The following DCDC1 variants were observed in gnomAD, a reference collection of about 807,000 sequenced individuals.
DCDC1 encodes doublecortin domain containing 1.
In DCDC1, 200 loss-of-function variants were observed where a neutral mutation model predicts 178.3. That is an observed-to-expected ratio of 1.12 (90% CI 1.00 to 1.26). DCDC1 has a LOEUF of 1.26. Ranked by LOEUF, DCDC1 falls within the 50% of genes most tolerant of loss-of-function variation. The pLI, the probability that DCDC1 is intolerant of heterozygous loss-of-function variation, is 0.00. For missense variants in DCDC1, 1,983 were observed against 1,749.2 expected, an observed-to-expected ratio of 1.13 and a Z score of -2.38; for synonymous variants, 690 against 604.8, an observed-to-expected ratio of 1.14 and a Z score of -2.07.
intron 22 of DCDC1, among the ~76,000 whole-genome samples, chr11:30,927,839 A>G (rs1282463457): frequency 1.3e-5 from 2 of 152,158 alleles, no homozygotes; most frequent in Non-Finnish European, 2.9e-5. Flanking sequence ...CAATAAAACT[A>G]TTCCCTCATA....
In DCDC1 at chr11:31,070,802, T is replaced by C. The variant is rs115910449; in HGVS notation, c.2299-5649A>G. ...TCTCCATCACTCCCAAGGGGTTCCC[T>C]TCATGTCTGTTAGAAAGGCTATGTT... On this transcript the variant is annotated intron_variant, in intron 18 of 38. Coordinates refer to ENST00000684477, the MANE Select transcript of DCDC1 (RefSeq NM_001387274.1). Among the ~76,000 whole-genome samples the C allele has an allele frequency of 4.4e-3, 671 of 152,252 alleles. 4 individuals are homozygous for C. The highest frequency in any genetic ancestry group is 0.015 in the African/African-American group (635 of 41,540).
At chr11:30,892,566 C>T (rs1590249661) in intron 36 of DCDC1, among the ~76,000 whole-genome samples, 1 of 152,158 alleles carries the variant, frequency 6.6e-6, no homozygotes, top group African/African-American at 2.4e-5. Context: ...GTGGGTTGAA[C>T]TGGCACTGTT....
chr11:31,099,706 G>GT, intron 15 of DCDC1, among the ~76,000 whole-genome samples: 1 of 146,286 alleles, frequency 6.8e-6, no homozygotes, highest in South Asian at 2.2e-4. Flanking sequence ...GGGTTTTTTT[G>GT]TTTGTTTGTT....
At chr11:31,003,997 ATGC>A (rs1324811073) in intron 20 of DCDC1, among the ~76,000 whole-genome samples, 1 of 152,176 alleles carries the variant, frequency 6.6e-6, no homozygotes. Context: ...GTGGCTGGTG[ATGC>A]TGTTCACTGA....
intron 20 of DCDC1, among the ~76,000 whole-genome samples, chr11:30,994,496 T>C (rs1951144387): frequency 6.7e-6 from 1 of 150,216 alleles, no homozygotes; most frequent in South Asian, 2.1e-4. Flanking sequence ...TTCACCATGT[T>C]GCCCAGGCTG....
At chr11:30,955,114 C>A (rs1003940940) in intron 20 of DCDC1, among the ~76,000 whole-genome samples, 2 of 152,124 alleles carry the variant, frequency 1.3e-5, no homozygotes, top group South Asian at 4.1e-4. Context: ...TTTTGGAATA[C>A]GTGGTCTACC....
rs536400765 is a variant in DCDC1, at chr11:30,983,524, T to C, written c.2592-30956A>G. ...AGAATTATCTGGTTCACATTTGCGA[T>C]CCATTAAAATTACATAAATCATATT... is the stretch of plus-strand genomic sequence containing the variant. On this transcript the variant is annotated intron_variant, in intron 20 of 38. Transcript: ENST00000684477. Among the ~76,000 whole-genome samples, 7 of 152,322 alleles carry C rather than the reference T, an allele frequency of 4.6e-5. No individual in the cohort carries two copies. In the South Asian group the frequency reaches 1.4e-3, roughly 32 times the overall value.
intron 17 of DCDC1, among the ~76,000 whole-genome samples, chr11:31,090,237 T>A (rs1957734166): frequency 6.6e-6 from 1 of 152,182 alleles, no homozygotes; most frequent in African/African-American, 2.4e-5. Context: ...TTTTTTCAAG[T>A]GATGTACCCT....
intron 15 of DCDC1, among the ~76,000 whole-genome samples, chr11:31,098,923 A>G (rs1298438755): frequency 6.6e-6 from 1 of 152,226 alleles, no homozygotes; most frequent in East Asian, 1.9e-4. Context: ...AATTTTTAAA[A>G]ACTAAAAATG....
chr11:31,292,681 T>C (rs967302362), intron 6 of DCDC1, among the ~76,000 whole-genome samples: 1 of 152,116 alleles, frequency 6.6e-6, no homozygotes, highest in Non-Finnish European at 1.5e-5. Flanking sequence ...ATTTTGGAAC[T>C]AGATAGAGAT....
At chr11:31,228,265 A>G (rs993413577) in intron 9 of DCDC1, among the ~76,000 whole-genome samples, 5 of 152,118 alleles carry the variant, frequency 3.3e-5, no homozygotes, top group Non-Finnish European at 7.4e-5. Context: ...CCAATTACAG[A>G]AAGATATACA....
intron 9 of DCDC1, among the ~76,000 whole-genome samples, chr11:31,142,784 C>A (rs888459172): frequency 6.6e-6 from 1 of 152,016 alleles, no homozygotes; most frequent in African/African-American, 2.4e-5. Context: ...TATGAAGAAG[C>A]ACAAGATCGG....
chr11:30,890,715 T>A (rs575145531), intron 36 of DCDC1, among the ~76,000 whole-genome samples: 58 of 152,320 alleles, frequency 3.8e-4, no homozygotes, highest in Middle Eastern at 3.4e-3. Context: ...AAAATCATTC[T>A]AGTCTTTTTT....
chr11:31,204,556 C>A (rs1173379746), intron 9 of DCDC1, among the ~76,000 whole-genome samples: 1 of 152,170 alleles, frequency 6.6e-6, no homozygotes, highest in Non-Finnish European at 1.5e-5. Context: ...TAGCCGGGGG[C>A]TCATGCCTGT....
chr11:31,251,054 C>T (rs1317724004), intron 8 of DCDC1, among the ~76,000 whole-genome samples: 4 of 152,004 alleles, frequency 2.6e-5, no homozygotes, highest in Non-Finnish European at 4.4e-5. Context: ...TGCCCAGCCC[C>T]CTAATTTTTA....
chr11:31,116,769 G>A (rs1437957030), intron 11 of DCDC1, among the ~76,000 whole-genome samples: 1 of 151,978 alleles, frequency 6.6e-6, no homozygotes, highest in African/African-American at 2.4e-5. Context: ...TAACAAGTAA[G>A]GAGCCACTAA....
At chr11:30,880,922 C>A (rs1942601062) in intron 37 of DCDC1, among the ~76,000 whole-genome samples, 1 of 152,226 alleles carries the variant, frequency 6.6e-6, no homozygotes, top group Admixed American at 6.5e-5. Flanking sequence ...TGCAAATAAG[C>A]CCCCTGGATA....
chr11:31,085,109 T>TA (rs1957391432), intron 17 of DCDC1, among the ~76,000 whole-genome samples: 1 of 151,842 alleles, frequency 6.6e-6, no homozygotes. Flanking sequence ...TGTCTCCTTC[T>TA]AAAGTAACCA....
At chr11:31,106,749 C>A (rs775620208) in intron 13 of DCDC1, 48 bp downstream of exon 13, 1 of 745,546 alleles carries the variant, frequency 1.3e-6, no homozygotes, top group Non-Finnish European at 2.4e-6. Context: ...TTCAAATTAG[C>A]TCTCCCCTGG....
Sources: gnomAD v4.1 joint callset for allele counts (sites outside exome capture counted in the v4.1 genomes callset) on GRCh38, gnomAD v4.1.1 for gene constraint, MANE v1.5 for transcripts, NCBI Gene and HGNC (gene_info 2026-07-23, HGNC 2026-07-21) for gene names.